The following SUSD6 variants were observed in gnomAD, a reference collection of about 807,000 sequenced individuals.
SUSD6 encodes the protein sushi domain containing 6.
A neutral mutation model predicts 28.4 loss-of-function variants in SUSD6; 16 were observed. The ratio of observed to expected loss-of-function variants is 0.56; its 90% CI spans 0.38 to 0.86. The LOEUF is 0.86. SUSD6 is among the 40% of genes least tolerant of loss of function. The pLI, the probability that SUSD6 is intolerant of heterozygous loss-of-function variation, is 0.00. For missense variants in SUSD6, 341 were observed against 384.2 expected (o/e 0.89, Z 0.94); for synonymous variants, 147 against 159.6 (o/e 0.92, Z 0.59).
At chr14:69,644,921 G>C (rs1310236086) in intron 1 of SUSD6, among the ~76,000 whole-genome samples, 1 of 152,166 alleles carries the variant, frequency 6.6e-6, no homozygotes, top group East Asian at 1.9e-4. Context: ...ACAATTAGAA[G>C]GTGAGGTAAG....
Position 69,645,491 on chromosome 14 carries a change from GCTGTATC to G in SUSD6, c.-80-13020_-80-13014del, listed in dbSNP as rs963119553. ...ACACTAAGGAAGCAGGAAACTTTAA[GCTGTATC>G]CCCAACTTTTACCTAGCTTTTGCTA... On this transcript the variant is annotated intron_variant, in intron 1 of 5. Coordinates refer to ENST00000342745, the MANE Select transcript of SUSD6 (RefSeq NM_014734.4). Among the ~76,000 whole-genome samples, 57 of 152,202 alleles carry G rather than the reference GCTGTATC, an allele frequency of 3.7e-4. 1 individual carries two copies. Among genetic ancestry groups the G allele is most frequent in the Non-Finnish European group, 1.6e-4 (11 of 68,038 alleles).
At chr14:69,646,452 C>T (rs1380152876) in intron 1 of SUSD6, among the ~76,000 whole-genome samples, 2 of 152,180 alleles carry the variant, frequency 1.3e-5, no homozygotes, top group Non-Finnish European at 2.9e-5. Flanking sequence ...GGCTACATCA[C>T]TCCAGGGCTA....
intron 2 of SUSD6, among the ~76,000 whole-genome samples, chr14:69,700,624 C>G (rs1886300325): frequency 6.6e-6 from 1 of 152,204 alleles, no homozygotes; most frequent in Non-Finnish European, 1.5e-5. Context: ...ACTATGACCT[C>G]CCTTCCTGAT....
intron 2 of SUSD6, among the ~76,000 whole-genome samples, chr14:69,681,587 T>C (rs1393661710): frequency 4.6e-5 from 7 of 152,236 alleles, no homozygotes; most frequent in Non-Finnish European, 4.4e-5. Context: ...AGACTTTGAT[T>C]GCAGGAATCT....
intron 2 of SUSD6, among the ~76,000 whole-genome samples, chr14:69,688,959 A>C (rs186014151): frequency 6.6e-6 from 1 of 152,334 alleles, no homozygotes; most frequent in African/African-American, 2.4e-5. Flanking sequence ...CTGATTTTCT[A>C]AATGTTCAGT....
intron 1 of SUSD6, among the ~76,000 whole-genome samples, chr14:69,648,299 T>C (rs1210234448): frequency 6.6e-6 from 1 of 152,220 alleles, no homozygotes; most frequent in African/African-American, 2.4e-5. Flanking sequence ...CTGAAGTAGC[T>C]ATCACGCAGA....
intron 1 of SUSD6, among the ~76,000 whole-genome samples, chr14:69,644,351 G>GAATT (rs960541754): frequency 9.9e-5 from 15 of 152,050 alleles, no homozygotes; most frequent in Non-Finnish European, 1.9e-4. Flanking sequence ...AATGTTGCCT[G>GAATT]AATTAATTAA....
intron 1 of SUSD6, among the ~76,000 whole-genome samples, chr14:69,612,945 GT>G (rs1329069982): frequency 1.3e-5 from 2 of 152,104 alleles, no homozygotes; most frequent in Non-Finnish European, 2.9e-5. Flanking sequence ...CACCTTTTCT[GT>G]TTTGGGAATT....
intron 1 of SUSD6, among the ~76,000 whole-genome samples, chr14:69,633,244 G>A (rs1885219976): frequency 6.6e-6 from 1 of 152,198 alleles, no homozygotes; most frequent in South Asian, 2.1e-4. Context: ...GTGCAAACTG[G>A]CCTTACCTTA....
At position 69,629,280 on chromosome 14, in the gene SUSD6, G is replaced by A. The variant is rs572779043; in HGVS notation, c.-81+17452G>A. Among the ~76,000 whole-genome samples, 48 of 152,204 alleles carry A rather than the reference G, an allele frequency of 3.2e-4. 1 individual carries two copies. The South Asian group carries it at 5.8e-3, about 18-fold the overall frequency. On this transcript the variant is annotated intron_variant, in intron 1 of 5. Coordinates refer to ENST00000342745, the MANE Select transcript of SUSD6 (RefSeq NM_014734.4). ...TGATGGCATTTCTTCCCTGAGGGAC[G>A]AGGGATGGACCAGAGGAGCCTGGAG...
At chr14:69,694,573 C>T (rs765758640) in intron 2 of SUSD6, among the ~76,000 whole-genome samples, 15 of 152,182 alleles carry the variant, frequency 9.9e-5, no homozygotes, top group Non-Finnish European at 1.9e-4. Context: ...GCTTTCAGTT[C>T]AGGGTTTCTA....
intron 1 of SUSD6, among the ~76,000 whole-genome samples, chr14:69,614,843 C>G (rs923072109): frequency 1.3e-5 from 2 of 152,186 alleles, no homozygotes; most frequent in Admixed American, 6.5e-5. Flanking sequence ...CTCTAGTTCC[C>G]CATTTATTAA....
At chr14:69,625,832 G>A (rs1328443237) in intron 1 of SUSD6, among the ~76,000 whole-genome samples, 2 of 152,286 alleles carry the variant, frequency 1.3e-5, no homozygotes, top group Non-Finnish European at 2.9e-5. Flanking sequence ...CCTTCTCTGT[G>A]AAACCATCTC....
chr14:69,710,825 A>G (rs1886451153), intron 5 of SUSD6, 129 bp from the exon 6 acceptor site: 2 of 844,124 alleles, frequency 2.4e-6, no homozygotes, highest in Non-Finnish European at 2.0e-6. Context: ...CTAGAAGTGT[A>G]TGAGTGGGAC....
Position 69,712,708 on chromosome 14 carries a change from T to C in SUSD6, c.*1729T>C, listed in dbSNP as rs1328932221. On this transcript the variant is annotated 3_prime_UTR_variant, in exon 6 of 6. Transcript: ENST00000342745. ...CCTGCCTCCGCGCTTACACACGCAC[T>C]TTACCACCCGGTCATTCCCTGGCCT... is the stretch of plus-strand genomic sequence containing the variant. 2.6e-5 allele frequency: 4 copies of C among 152,600 alleles called. No homozygotes were observed. The highest frequency in any genetic ancestry group is 6.5e-5 in the Admixed American group (1 of 15,270). 9.5% of individuals were successfully genotyped at this position (152,600 alleles called of 1,614,324 possible). A position where few individuals can be genotyped will look rare whatever the true frequency, so the allele number is the denominator to read the frequency against.
Position 69,710,943 on chromosome 14 carries a change from T to G in SUSD6, c.887-11T>G. ...GGTAACCACTGTGCTTTTCTTCTGGTCTTCCTGCAGATATTCCACTGTTGA... is the reference window on the plus strand; with the variant it reads ...GGTAACCACTGTGCTTTTCTTCTGGGCTTCCTGCAGATATTCCACTGTTGA... On this transcript the variant is annotated splice_polypyrimidine_tract_variant and intron_variant, in intron 5 of 5. Transcript: ENST00000342745. 3.1e-6 allele frequency: 5 copies of G among 1,614,024 alleles called. No homozygotes were observed. Among genetic ancestry groups the G allele is most frequent in the Non-Finnish European group, 4.2e-6 (5 of 1,179,926 alleles).
At chr14:69,675,586 C>G (rs1885896099) in intron 2 of SUSD6, among the ~76,000 whole-genome samples, 1 of 151,830 alleles carries the variant, frequency 6.6e-6, no homozygotes, top group African/African-American at 2.4e-5. Context: ...TAATATGAAC[C>G]ACCACTTGAT....
chr14:69,703,732 T>G (rs570646609), intron 3 of SUSD6, 140 bp downstream of exon 3: 2 of 730,006 alleles, frequency 2.7e-6, no homozygotes, highest in Admixed American at 4.7e-5. Context: ...CCTCCCTTCC[T>G]TGGGTCTTCA....
intron 4 of SUSD6, among the ~76,000 whole-genome samples, chr14:69,706,115 A>C (rs1344929301): frequency 1.3e-5 from 2 of 151,942 alleles, no homozygotes; most frequent in African/African-American, 4.8e-5. Context: ...TCTTTCTTTT[A>C]TTTTGTTTTT....
Sources: allele counts gnomAD v4.1 joint callset (sites outside exome capture counted in the v4.1 genomes callset), GRCh38; gene constraint gnomAD v4.1.1; transcripts MANE v1.5; gene names NCBI Gene and HGNC (gene_info 2026-07-23, HGNC 2026-07-21).